MGAM2: variants seen among roughly 807,000 people sequenced by gnomAD.
The protein encoded by MGAM2 is probable maltase-glucoamylase 2.
Under a neutral mutation model 96.1 loss-of-function variants are expected in MGAM2, and 98 were observed. That is an observed-to-expected ratio of 1.02 (90% CI 0.87 to 1.21). The LOEUF (loss-of-function observed/expected upper bound fraction) is 1.21. Among genes scored for constraint, MGAM2 ranks in the 50% most tolerant of loss-of-function variants. MGAM2 has a pLI of 0.00. For synonymous variants in MGAM2, 749 were observed against 414.8 expected (o/e 1.81, Z -9.79); for missense variants, 2,055 against 1,182.4 (o/e 1.74, Z -10.82).
At chr7:142,116,036 C>A (rs1817389339) in intron 1 of MGAM2, among the ~76,000 whole-genome samples, 1 of 152,046 alleles carries the variant, frequency 6.6e-6, no homozygotes, top group African/African-American at 2.4e-5. Context: ...TGAGGGCTGT[C>A]ATGGATCTGT....
Position 142,207,852 on chromosome 7 carries a change from A to T in MGAM2, c.5138-721A>T, listed in dbSNP as rs28557359. On this transcript the variant is annotated intron_variant, in intron 45 of 47. Coordinates refer to ENST00000477922, the MANE Select transcript of MGAM2 (RefSeq NM_001293626.2). ...TACTCTGGAGCATAAATGTAGCTTGAAAAAGCAGAGAAGGTATAGGGAAGA... is the reference window on the plus strand; with the variant it reads ...TACTCTGGAGCATAAATGTAGCTTGTAAAAGCAGAGAAGGTATAGGGAAGA... Among the ~76,000 whole-genome samples, 1,425 of 152,314 alleles carry T rather than the reference A, an allele frequency of 9.4e-3. 17 individuals are homozygous for T. The highest frequency in any genetic ancestry group is 0.033 in the African/African-American group (1,379 of 41,542).
At chr7:142,146,992 T>G (rs898647196) in intron 14 of MGAM2, among the ~76,000 whole-genome samples, 3 of 152,188 alleles carry the variant, frequency 2.0e-5, no homozygotes, top group Admixed American at 6.5e-5. Context: ...CCTCCCAAAG[T>G]GCTGGGATTA....
rs1487420957 is a variant in MGAM2, at chr7:142,197,679, G to A, written c.4817G>A (p.Arg1606His). The change falls in exon 42 of 48, where the codon CGT (arginine) becomes CAT (histidine). Residue 1606 changes from arginine to histidine, a missense_variant. Arg to His is a conservative substitution (Grantham distance 29). Transcript: ENST00000477922. ...TDDRTTWDID[R>H]QFMLGPAILI... is the part of the protein sequence containing the mutation. ...GACAGGACAACATGGGATATAGACC[G>A]TCAGTTCATGTTGGGCCCTGCTATC... is the stretch of plus-strand genomic sequence containing the variant. 7.1e-6 allele frequency: 5 copies of A among 702,778 alleles called. No homozygotes were observed. Among genetic ancestry groups the A allele is most frequent in the African/African-American group, 1.7e-5 (1 of 57,206 alleles). 43.5% of individuals were successfully genotyped at this position (702,778 alleles called of 1,614,324 possible).
intron 31 of MGAM2, among the ~76,000 whole-genome samples, chr7:142,174,715 C>CTCTCTTTTTTTTTTTTT (rs1194981898): frequency 1.2e-5 from 1 of 85,460 alleles, no homozygotes; most frequent in African/African-American, 5.7e-5. Context: ...CTCTCTCTCT[C>CTCTCTTTTTTTTTTTTT]TTTTTTTTTT....
At chr7:142,139,578 T>C (rs1189455823) in intron 10 of MGAM2, among the ~76,000 whole-genome samples, 1 of 151,418 alleles carries the variant, frequency 6.6e-6, no homozygotes, top group African/African-American at 2.4e-5. Context: ...GGAGAATCAC[T>C]TGAACCTGGA....
intron 32 of MGAM2, among the ~76,000 whole-genome samples, chr7:142,182,403 C>T (rs1796571270): frequency 6.6e-6 from 1 of 152,098 alleles, no homozygotes; most frequent in Non-Finnish European, 1.5e-5. Flanking sequence ...TCAGATGCAC[C>T]CTTGTTCTGT....
chr7:142,175,575 G>A (rs1796348207), intron 31 of MGAM2, 77 bp from the exon 32 acceptor site: 1 of 667,462 alleles, frequency 1.5e-6, no homozygotes, highest in South Asian at 1.6e-5. Context: ...CAGGACCAGG[G>A]GCCTGGCAGA....
Position 142,127,530 on chromosome 7 carries a change from G to T in MGAM2, c.187-3418G>T, listed in dbSNP as rs942759597. Among the ~76,000 whole-genome samples the T allele has an allele frequency of 1.1e-4, 17 of 152,012 alleles. 1 individual carries two copies. The highest frequency in any genetic ancestry group is 5.2e-4 in the Admixed American group (8 of 15,272). On this transcript the variant is annotated intron_variant, in intron 3 of 47. Coordinates refer to ENST00000477922, the MANE Select transcript of MGAM2 (RefSeq NM_001293626.2). ...TCATTTTTTTAATGGAAGTGATATG[G>T]TTTGATCCTGTGTCCCCACCCAAAT...
rs1797885314 is a variant in MGAM2 at position 142,220,344 on chromosome 7, G to T, written c.5833G>T (p.Ala1945Ser). ...ATVPITTTCF[A>S]TSTIGVTTNA... ...TGTTCCTATCACAACCACATGTTTT[G>T]CAACAAGTACTATTGGTGTTACAAC... Residue 1945 changes from alanine to serine, a missense_variant, in exon 48 of 48, where the codon GCA (alanine) becomes TCA (serine). Ala to Ser is a moderately conservative substitution (Grantham distance 99, BLOSUM62 1). Transcript: ENST00000477922. 1.4e-6 allele frequency: 1 copy of T among 700,734 alleles called. No homozygotes were observed. Among genetic ancestry groups the T allele is most frequent in the Non-Finnish European group, 2.6e-6 (1 of 384,512 alleles). The allele number at this position is 700,734 out of a possible 1,614,324, so 43.4% of individuals were successfully genotyped here. A position where few individuals can be genotyped will look rare whatever the true frequency, so the allele number is the denominator to read the frequency against.
Position 142,199,863 on chromosome 7 carries a change from T to C in MGAM2, c.5049-17T>C. 1 of 642,112 alleles carries C rather than the reference T, an allele frequency of 1.6e-6. No individual in the cohort carries two copies. Among genetic ancestry groups the C allele is most frequent in the South Asian group, 1.8e-5 (1 of 56,706 alleles). 39.8% of individuals were successfully genotyped at this position (642,112 alleles called of 1,614,324 possible). On this transcript the variant is annotated splice_polypyrimidine_tract_variant and intron_variant, in intron 44 of 47. Transcript: ENST00000477922. Reference sequence around the variant, plus strand: ...TACAATCTAGAGAAAAATAACTCTTTTTTTTTTTTTTGGTAGTCGACAAAA... The same window carrying C: ...TACAATCTAGAGAAAAATAACTCTTCTTTTTTTTTTTGGTAGTCGACAAAA...
chr7:142,208,719 T>C (rs758433170), intron 46 of MGAM2, 97 bp downstream of exon 46: 2 of 633,540 alleles, frequency 3.2e-6, no homozygotes, highest in Non-Finnish European at 5.6e-6. Context: ...CACATCTTAA[T>C]AGGAGGTTCT....
At chr7:142,178,593 C>G (rs1227841643) in intron 32 of MGAM2, among the ~76,000 whole-genome samples, 1 of 152,122 alleles carries the variant, frequency 6.6e-6, no homozygotes, top group Non-Finnish European at 1.5e-5. Context: ...TATCCCAGCA[C>G]CATTTATTAA....
intron 12 of MGAM2, among the ~76,000 whole-genome samples, chr7:142,143,488 C>A (rs1795294663): frequency 6.6e-6 from 1 of 152,134 alleles, no homozygotes; most frequent in South Asian, 2.1e-4. Context: ...CAATTTGTCT[C>A]CCAACTGGCC....
chr7:142,173,087 C>T, intron 30 of MGAM2, 142 bp from the exon 31 acceptor site: 1 of 563,614 alleles, frequency 1.8e-6, no homozygotes, highest in Non-Finnish European at 3.2e-6. Flanking sequence ...AGTTGCTCCA[C>T]ATTTGTTGGA....
intron 24 of MGAM2, 142 bp from the exon 25 acceptor site, chr7:142,165,956 C>T (rs1796015963): frequency 5.4e-6 from 3 of 558,562 alleles, no homozygotes; most frequent in Non-Finnish European, 9.5e-6. Flanking sequence ...AGGAATCAGC[C>T]AAGTTCTGAA....
chr7:142,174,971 G>A (rs745994633), intron 31 of MGAM2, among the ~76,000 whole-genome samples: 12 of 151,934 alleles, frequency 7.9e-5, no homozygotes, highest in Admixed American at 2.0e-4. Context: ...CACCTGCCTC[G>A]GCCTCCCGAA....
chr7:142,199,830 T>TTACAACC lies in MGAM2; in HGVS notation c.5049-44_5049-38dup, dbSNP rs1563291124. On this transcript the variant is annotated intron_variant, in intron 44 of 47. Coordinates refer to ENST00000477922, the MANE Select transcript of MGAM2 (RefSeq NM_001293626.2). ...TTTTAACACAGTCTGTTCTTTATTC[T>TTACAACC]TACAACCTACAATCTAGAGAAAAAT... is the stretch of plus-strand genomic sequence containing the variant. 6.1e-6 allele frequency: 4 copies of TTACAACC among 653,790 alleles called. No homozygotes were observed. The East Asian group carries it at 1.1e-4, about 18-fold the overall frequency. 40.5% of individuals were successfully genotyped at this position (653,790 alleles called of 1,614,324 possible).
chr7:142,172,981 A>C (rs1796245197), intron 30 of MGAM2, among the ~76,000 whole-genome samples: 1 of 152,214 alleles, frequency 6.6e-6, no homozygotes, highest in African/African-American at 2.4e-5. Context: ...AAGAATTGCT[A>C]ATCAGTAATA....
rs1422008203 is a variant in MGAM2, at chr7:142,185,130, T to G, written c.3978T>G (p.Thr1326=). The G allele has an allele frequency of 1.0e-5, 7 of 702,936 alleles. No homozygotes were observed. In the South Asian group the frequency reaches 1.0e-4, roughly 10 times the overall value. The allele number at this position is 702,936 out of a possible 1,614,324, so 43.5% of individuals were successfully genotyped here. A position where few individuals can be genotyped will look rare whatever the true frequency, so the allele number is the denominator to read the frequency against. The change falls in exon 34 of 48, where the codon ACT becomes ACG. Residue 1326 remains threonine (T), a synonymous_variant. Transcript: ENST00000477922. ...VIVDGSLDHE[T]QVKLYRAYVA... Reference sequence around the variant, plus strand: ...TAGATGGATCCCTTGACCATGAAACTCAGGTTAAGGTACAGTTGTATATAG... The same window carrying G: ...TAGATGGATCCCTTGACCATGAAACGCAGGTTAAGGTACAGTTGTATATAG...
Sources: gnomAD v4.1 joint callset for allele counts (sites outside exome capture counted in the v4.1 genomes callset) on GRCh38, gnomAD v4.1.1 for gene constraint, MANE v1.5 for transcripts, NCBI Gene and HGNC (gene_info 2026-07-23, HGNC 2026-07-21) for gene names.